The following COL12A1 variants were observed in gnomAD, a reference collection of about 807,000 sequenced individuals.
COL12A1 encodes collagen type XII alpha 1 chain.
Under a neutral mutation model 349.7 loss-of-function variants are expected in COL12A1, and 114 were observed. The ratio of observed to expected loss-of-function variants is 0.33; its 90% CI spans 0.28 to 0.38. The LOEUF is 0.38. Ranked by LOEUF, COL12A1 falls within the 10% of genes least tolerant of loss-of-function variation. The probability of loss-of-function intolerance (pLI) is 1.00; values close to 1 mark genes in which losing one functional copy is unlikely to be tolerated. For missense variants in COL12A1, 3,284 were observed against 3,756.9 expected (o/e 0.87, Z 3.29); for synonymous variants, 1,369 against 1,329.0 (o/e 1.03, Z -0.66).
At chr6:75,130,813 C>T in intron 36 of COL12A1, 39 bp downstream of exon 36, 2 of 1,612,646 alleles carry the variant, frequency 1.2e-6, no homozygotes, top group Non-Finnish European at 1.7e-6. Flanking sequence ...GCCAATCTAG[C>T]TACAAGGGAA....
chr6:75,148,578 T>C, intron 21 of COL12A1, 81 bp from the exon 22 acceptor site: 1 of 1,221,632 alleles, frequency 8.2e-7, no homozygotes, highest in Non-Finnish European at 1.2e-6. Flanking sequence ...TGAAACAATA[T>C]TATGCTCCAT....
chr6:75,157,239 C>G (rs1372908235), intron 14 of COL12A1, among the ~76,000 whole-genome samples: 1 of 152,020 alleles, frequency 6.6e-6, no homozygotes, highest in Non-Finnish European at 1.5e-5. Context: ...CCTACAACAT[C>G]CTATTTTTAT....
At chr6:75,140,655 C>CA (rs1236499281) in intron 27 of COL12A1, among the ~76,000 whole-genome samples, 1,522 of 44,482 alleles carry the variant, frequency 0.034, 63 homozygotes, top group African/African-American at 0.059. Flanking sequence ...GACTCTGTCT[C>CA]AAAAAAAAAA....
At position 75,188,239 on chromosome 6, in the gene COL12A1, A is replaced by C. The variant is rs148660961; in HGVS notation, c.997+123T>G. On this transcript the variant is annotated intron_variant, in intron 8 of 65. Transcript: ENST00000322507. ...GAGTTGCTAAAAAACAATACAGTGG[A>C]GTATACAATTGTAGAATCACTGGAA... The C allele has an allele frequency of 4.4e-4, 440 of 999,244 alleles. 1 individual carries two copies. In the East Asian group the frequency reaches 9.5e-3, roughly 22 times the overall value. The allele number at this position is 999,244 out of a possible 1,614,324, so 61.9% of individuals were successfully genotyped here. A position where few individuals can be genotyped will look rare whatever the true frequency, so the allele number is the denominator to read the frequency against.
chr6:75,205,692 G>A (rs1418154354), intron 1 of COL12A1, 85 bp downstream of exon 1: 1 of 152,798 alleles, frequency 6.5e-6, no homozygotes. Context: ...TCACCGCTCC[G>A]GGCAAGGTGC....
At chr6:75,131,799 T>C (rs1766311561) in intron 35 of COL12A1, 141 bp downstream of exon 35, 1 of 923,798 alleles carries the variant, frequency 1.1e-6, no homozygotes, top group African/African-American at 1.7e-5. Flanking sequence ...TTAATACACC[T>C]ACCTCAAGTC....
At chr6:75,093,459 G>A (rs991849361) in intron 60 of COL12A1, among the ~76,000 whole-genome samples, 4 of 152,080 alleles carry the variant, frequency 2.6e-5, no homozygotes, top group Admixed American at 6.6e-5. Context: ...TATATGCTAT[G>A]TTTGGTTTCA....
At chr6:75,142,183 G>T in intron 26 of COL12A1, 22 bp from the exon 27 acceptor site, 1 of 1,613,580 alleles carries the variant, frequency 6.2e-7, no homozygotes, top group Non-Finnish European at 8.5e-7. Flanking sequence ...ACAGAGCAGT[G>T]GAACTACTTT....
intron 8 of COL12A1, among the ~76,000 whole-genome samples, chr6:75,187,403 A>G (rs1221283681): frequency 6.6e-6 from 1 of 152,052 alleles, no homozygotes; most frequent in East Asian, 1.9e-4. Flanking sequence ...GGCAGAAAAA[A>G]AGTCTGGCCT....
chr6:75,183,672 A>G lies in COL12A1; in HGVS notation c.1289-20T>C. On this transcript the variant is annotated intron_variant, in intron 9 of 65. Transcript: ENST00000322507. ...AGCATTCTGTAAAGAGAAAAAAAGT[A>G]CATTAAACTTCAATACATATTAATC... 1 of 1,577,500 alleles carries G rather than the reference A, an allele frequency of 6.3e-7. No homozygotes were observed. The highest frequency in any genetic ancestry group is 1.2e-5 in the South Asian group (1 of 83,556).
intron 13 of COL12A1, among the ~76,000 whole-genome samples, chr6:75,171,384 G>A (rs1278004740): frequency 6.6e-6 from 1 of 152,038 alleles, no homozygotes; most frequent in African/African-American, 2.4e-5. Context: ...CAGCAACAAG[G>A]GAATTTTCTG....
intron 17 of COL12A1, among the ~76,000 whole-genome samples, chr6:75,153,761 T>C (rs1429462303): frequency 1.3e-5 from 2 of 152,118 alleles, no homozygotes; most frequent in African/African-American, 4.8e-5. Context: ...TCTAAGAATG[T>C]TAAAAACTAG....
chr6:75,097,125 A>G, intron 59 of COL12A1, 128 bp downstream of exon 59: 1 of 588,382 alleles, frequency 1.7e-6, no homozygotes, highest in Non-Finnish European at 2.9e-6. Context: ...TAGGTAAATA[A>G]AAACACAGTT....
At chr6:75,156,601 G>A in intron 14 of COL12A1, 78 bp from the exon 15 acceptor site, 2 of 1,361,358 alleles carry the variant, frequency 1.5e-6, no homozygotes, top group Non-Finnish European at 2.0e-6. Context: ...TATGTGAAAA[G>A]AAACTCTCTG....
intron 40 of COL12A1, among the ~76,000 whole-genome samples, chr6:75,124,804 CAAG>C (rs1765931850): frequency 6.6e-6 from 1 of 151,946 alleles, no homozygotes; most frequent in South Asian, 2.1e-4. Flanking sequence ...TATCAAATGT[CAAG>C]AAGAACTAAG....
At position 75,152,200 on chromosome 6, in the gene COL12A1, G is replaced by A; in HGVS notation, c.3766C>T (p.His1256Tyr). Residue 1256 changes from histidine to tyrosine, a missense_variant, in exon 19 of 66, where the codon CAC becomes TAC. By Grantham distance (83) the His-to-Tyr change is moderately conservative (BLOSUM62 2). Around this residue, in one of 2 missense-constraint regions of COL12A1, gnomAD observed 2,601 missense variants for 2,824.8 expected, o/e 0.92. Transcript: ENST00000322507. ...TGCAACAAGCTCTTCTTGTCTCTGT[G>A]TGCATTTAACTGCCACTCTGTTCTG... Reference protein sequence around the residue: ...DPRTEWQLNAHRDKKSLLQAV... With the variant: ...DPRTEWQLNAYRDKKSLLQAV... 1 of 1,613,786 alleles carries A rather than the reference G, an allele frequency of 6.2e-7. No homozygotes were observed. Among genetic ancestry groups the A allele is most frequent in the Non-Finnish European group, 8.5e-7 (1 of 1,179,822 alleles).
At position 75,125,220 on chromosome 6, in the gene COL12A1, G is replaced by A; in HGVS notation, c.6514C>T (p.His2172Tyr). Residue 2172 changes from histidine to tyrosine, a missense_variant, in exon 40 of 66, where the codon CAC becomes TAC. This residue lies in a region of COL12A1 where 2,601 missense variants were observed against 2,824.8 expected (regional missense o/e 0.92). Transcript: ENST00000322507. ...TAGGTGGTGCTGGGATTGAGATTGT[G>A]TAAGGTATATGATGTCATTTCTCCA... ...FVGEMTSYTL[H>Y]NLNPSTTYDV... 4 of 1,612,030 alleles carry A rather than the reference G, an allele frequency of 2.5e-6. No homozygotes were observed. The highest frequency in any genetic ancestry group is 3.4e-6 in the Non-Finnish European group (4 of 1,178,780).
rs1767131648 is a variant in COL12A1 at position 75,145,462 on chromosome 6, A to G, written c.4561-7T>C. Reference sequence around the variant, plus strand: ...CTGTTGGCCCCAAACGCACCTGCACATGGATATGTGGAGCAGAAATAAGAT... The same window carrying G: ...CTGTTGGCCCCAAACGCACCTGCACGTGGATATGTGGAGCAGAAATAAGAT... On this transcript the variant is annotated splice_region_variant and splice_polypyrimidine_tract_variant and intron_variant, in intron 24 of 65. Transcript: ENST00000322507. 1.2e-6 allele frequency: 2 copies of G among 1,612,766 alleles called. No homozygotes were observed. Among genetic ancestry groups the G allele is most frequent in the African/African-American group, 1.3e-5 (1 of 75,024 alleles).
intron 51 of COL12A1, 65 bp from the exon 52 acceptor site, chr6:75,109,232 GT>G: frequency 8.8e-7 from 1 of 1,133,408 alleles, no homozygotes; most frequent in Non-Finnish European, 1.2e-6. Flanking sequence ...ACTCTGCATA[GT>G]TTAGATCAGA....
Sources: allele counts gnomAD v4.1 joint callset (sites outside exome capture counted in the v4.1 genomes callset), GRCh38; gene constraint gnomAD v4.1.1; regional missense constraint gnomAD v4.1.1; transcripts MANE v1.5; gene names NCBI Gene and HGNC (gene_info 2026-07-23, HGNC 2026-07-21).